SDK1: variants seen among roughly 807,000 people sequenced by gnomAD.
SDK1 encodes the protein protein sidekick-1.
A neutral mutation model predicts 245.5 loss-of-function variants in SDK1; 157 were observed. That is an observed-to-expected ratio of 0.64 (90% confidence interval 0.56 to 0.73). The LOEUF is 0.73. Among genes scored for constraint, SDK1 ranks in the 30% least tolerant of loss-of-function variants. The probability of loss-of-function intolerance (pLI) is 0.00; values close to 1 mark genes in which losing one functional copy is unlikely to be tolerated. For missense variants in SDK1, 3,583 were observed against 3,002.3 expected (o/e 1.19, Z -4.52); for synonymous variants, 1,647 against 1,278.5 (o/e 1.29, Z -6.15).
At chr7:3,832,313 GTAAT>G (rs1779931952) in intron 5 of SDK1, among the ~76,000 whole-genome samples, 1 of 152,160 alleles carries the variant, frequency 6.6e-6, no homozygotes, top group South Asian at 2.1e-4. Flanking sequence ...AAATCATGTT[GTAAT>G]TTCTTAATCT....
chr7:3,454,587 T>C (rs887262049), intron 1 of SDK1, among the ~76,000 whole-genome samples: 1 of 152,210 alleles, frequency 6.6e-6, no homozygotes, highest in South Asian at 2.1e-4. Context: ...TTGTTTTCCG[T>C]TTCTATAATA....
At chr7:4,126,816 T>C (rs937893426) in intron 25 of SDK1, among the ~76,000 whole-genome samples, 10 of 152,350 alleles carry the variant, frequency 6.6e-5, no homozygotes, top group African/African-American at 1.9e-4. Context: ...TTTTCTCAGC[T>C]TTAGTTTTCT....
At chr7:3,661,074 A>G (rs1014276978) in intron 4 of SDK1, among the ~76,000 whole-genome samples, 2 of 152,160 alleles carry the variant, frequency 1.3e-5, no homozygotes, top group African/African-American at 2.4e-5. Context: ...CTCACTCTCT[A>G]AAATCATTGA....
chr7:4,032,290 G>T (rs918773767), intron 17 of SDK1, among the ~76,000 whole-genome samples: 2 of 152,158 alleles, frequency 1.3e-5, no homozygotes, highest in Non-Finnish European at 2.9e-5. Flanking sequence ...AATATTCAAT[G>T]CCCATCTGGA....
At chr7:3,748,462 C>T (rs927720791) in intron 4 of SDK1, among the ~76,000 whole-genome samples, 3 of 152,188 alleles carry the variant, frequency 2.0e-5, no homozygotes, top group African/African-American at 4.8e-5. Flanking sequence ...CATTAAATGG[C>T]GAGTAGTCAG....
intron 1 of SDK1, among the ~76,000 whole-genome samples, chr7:3,440,532 G>A (rs1780165618): frequency 6.6e-6 from 1 of 152,118 alleles, no homozygotes; most frequent in Non-Finnish European, 1.5e-5. Context: ...CAGATCAACT[G>A]TTGCAGTATC....
chr7:3,530,134 C>G (rs1298255797), intron 1 of SDK1, among the ~76,000 whole-genome samples: 1 of 152,108 alleles, frequency 6.6e-6, no homozygotes, highest in Non-Finnish European at 1.5e-5. Flanking sequence ...TATATCCACA[C>G]TAGTCATACA....
chr7:3,741,337 G>C (rs1488334295), intron 4 of SDK1, among the ~76,000 whole-genome samples: 1 of 152,166 alleles, frequency 6.6e-6, no homozygotes, highest in Non-Finnish European at 1.5e-5. Flanking sequence ...CCAGCCCCCT[G>C]TTCTCCCAGC....
chr7:3,519,101 T>A (rs1275615806), intron 1 of SDK1, among the ~76,000 whole-genome samples: 1 of 152,148 alleles, frequency 6.6e-6, no homozygotes, highest in African/African-American at 2.4e-5. Context: ...AGAAGTTGAT[T>A]TCATAGAAGT....
At chr7:3,728,970 A>G (rs2115038458) in intron 4 of SDK1, among the ~76,000 whole-genome samples, 1 of 152,324 alleles carries the variant, frequency 6.6e-6, no homozygotes, top group East Asian at 1.9e-4. Context: ...GTATTTAAAA[A>G]TTATGAAGGC....
At chr7:4,090,476 G>T (rs1400034468) in intron 22 of SDK1, among the ~76,000 whole-genome samples, 1 of 152,148 alleles carries the variant, frequency 6.6e-6, no homozygotes, top group Non-Finnish European at 1.5e-5. Flanking sequence ...TTGGGTAACA[G>T]ATTTTAACCC....
chr7:3,462,751 G>A (rs1780872784), intron 1 of SDK1, among the ~76,000 whole-genome samples: 2 of 151,868 alleles, frequency 1.3e-5, no homozygotes, highest in African/African-American at 4.8e-5. Context: ...TCTCTCTATT[G>A]CCGCCATCCT....
At chr7:3,806,064 A>C (rs1375238950) in intron 4 of SDK1, among the ~76,000 whole-genome samples, 1 of 152,184 alleles carries the variant, frequency 6.6e-6, no homozygotes, top group African/African-American at 2.4e-5. Flanking sequence ...AAGACAAGGA[A>C]AGACTGCAAA....
rs140505001 is a variant in SDK1, at chr7:4,047,076, TTA to T, written c.2603-2270_2603-2269del. Reference sequence around the variant, plus strand: ...GTAGTTTGTTAAACTTGTATCTATTTTATGTTTTTAGAGCTTAAATGAGATAT... The same window carrying T: ...GTAGTTTGTTAAACTTGTATCTATTTTGTTTTTAGAGCTTAAATGAGATAT... On this transcript the variant is annotated intron_variant, in intron 17 of 44. Coordinates refer to ENST00000404826, the MANE Select transcript of SDK1 (RefSeq NM_152744.4). 4.0e-3 allele frequency among the ~76,000 whole-genome samples: 609 copies of T among 152,344 alleles called. 7 individuals carry two copies. The highest frequency in any genetic ancestry group is 0.014 in the African/African-American group (575 of 41,590).
chr7:3,912,829 A>T (rs916410210), intron 5 of SDK1, among the ~76,000 whole-genome samples: 6 of 152,250 alleles, frequency 3.9e-5, no homozygotes, highest in African/African-American at 1.4e-4. Context: ...TTCTTTATTT[A>T]TACATGGACT....
intron 1 of SDK1, among the ~76,000 whole-genome samples, chr7:3,472,424 C>T (rs945942723): frequency 6.6e-6 from 1 of 151,964 alleles, no homozygotes; most frequent in Non-Finnish European, 1.5e-5. Flanking sequence ...AAGAGGTTTA[C>T]GATCTAATTA....
At chr7:4,130,249 A>T (rs374442192) in intron 27 of SDK1, 152 bp downstream of exon 27, 8 of 856,058 alleles carry the variant, frequency 9.3e-6, no homozygotes, top group Admixed American at 3.0e-5. Context: ...TTTTTCAGTC[A>T]CTGAGCACTT....
intron 43 of SDK1, among the ~76,000 whole-genome samples, chr7:4,242,731 G>A (rs964383999): frequency 6.6e-6 from 1 of 152,206 alleles, no homozygotes; most frequent in African/African-American, 2.4e-5. Context: ...CAAGGGTGTG[G>A]AAATCACACA....
In SDK1 at chr7:3,756,126, G is replaced by T. The variant is rs112182901; in HGVS notation, c.714-65324G>T. Among the ~76,000 whole-genome samples, 1,034 of 150,708 alleles carry T rather than the reference G, an allele frequency of 6.9e-3. 10 individuals are homozygous for T. The highest frequency in any genetic ancestry group is 0.024 in the African/African-American group (968 of 40,558). On this transcript the variant is annotated intron_variant, in intron 4 of 44. Transcript: ENST00000404826. Reference sequence around the variant, plus strand: ...TGCATATCATTGATGTTTTGAACCTGACTCCTTTCACATGGCATAGCACAT... The same window carrying T: ...TGCATATCATTGATGTTTTGAACCTTACTCCTTTCACATGGCATAGCACAT...
Sources: gnomAD v4.1 joint callset for allele counts (sites outside exome capture counted in the v4.1 genomes callset) on GRCh38, gnomAD v4.1.1 for gene constraint, MANE v1.5 for transcripts, NCBI Gene and HGNC (gene_info 2026-07-23, HGNC 2026-07-21) for gene names.